The following CSMD1 variants were observed in gnomAD, a reference collection of about 807,000 sequenced individuals.
CSMD1 encodes the protein CUB and Sushi multiple domains 1.
A neutral mutation model predicts 417.5 loss-of-function variants in CSMD1; 213 were observed. The ratio of observed to expected loss-of-function variants is 0.51; its 90% confidence interval spans 0.46 to 0.57. The LOEUF (loss-of-function observed/expected upper bound fraction) is 0.57. Ranked by LOEUF, CSMD1 falls within the 20% of genes least tolerant of loss-of-function variation. The pLI is 0.00. For synonymous variants in CSMD1, 2,862 were observed against 1,736.8 expected, an observed-to-expected ratio of 1.65 and a Z score of -16.11; for missense variants, 6,923 against 4,529.7, an observed-to-expected ratio of 1.53 and a Z score of -15.17.
rs138933452 is a variant in CSMD1, at chr8:4,143,484, T to C, written c.416-111385A>G. Among the ~76,000 whole-genome samples the C allele has an allele frequency of 2.1e-3, 323 of 150,896 alleles. 24 individuals carry two copies. Among genetic ancestry groups the C allele is most frequent in the African/African-American group, 7.2e-3 (290 of 40,254 alleles). On this transcript the variant is annotated intron_variant, in intron 3 of 69. Coordinates refer to ENST00000635120, the MANE Select transcript of CSMD1 (RefSeq NM_033225.6). ...CAGGAGGTGTTTAATATATGGCTCA[T>C]AGTTAAAGCTGGTTAAACTAAAGAA...
intron 7 of CSMD1, among the ~76,000 whole-genome samples, chr8:3,653,546 T>G (rs1303285301): frequency 6.6e-6 from 1 of 152,144 alleles, no homozygotes; most frequent in East Asian, 1.9e-4. Flanking sequence ...TGACCTCAAG[T>G]AATCAGCGCA....
intron 10 of CSMD1, among the ~76,000 whole-genome samples, chr8:3,530,019 A>G (rs1039770622): frequency 1.3e-5 from 2 of 152,174 alleles, no homozygotes; most frequent in African/African-American, 4.8e-5. Flanking sequence ...TTTATCAGTG[A>G]TAGAAGAATG....
intron 7 of CSMD1, among the ~76,000 whole-genome samples, chr8:3,623,596 T>C (rs11985253): frequency 0.37 from 56,229 of 152,092 alleles, 10,823 homozygotes; most frequent in Middle Eastern, 0.47. Context: ...CATATGTTTT[T>C]AAATGTAATC....
rs189225203 is a variant in CSMD1 at position 3,988,444 on chromosome 8, C to T, written c.818+9459G>A. On this transcript the variant is annotated intron_variant, in intron 5 of 69. Coordinates refer to ENST00000635120, the MANE Select transcript of CSMD1 (RefSeq NM_033225.6). The stretch of plus-strand genomic sequence containing the variant: ...GTGTTTGTCAAATATGTACGCCACT[C>T]ACAAACACCCTAACCTCTCACAGCT... Among the ~76,000 whole-genome samples the T allele has an allele frequency of 2.0e-3, 309 of 152,306 alleles. 1 individual carries two copies. The highest frequency in any genetic ancestry group is 6.8e-3 in the Middle Eastern group (2 of 294).
intron 49 of CSMD1, among the ~76,000 whole-genome samples, chr8:3,075,122 T>G (rs914191441): frequency 2.6e-5 from 4 of 152,088 alleles, no homozygotes; most frequent in East Asian, 1.9e-4. Context: ...CTGATCCCCC[T>G]TCACCTTCTG....
At chr8:4,111,635 T>G (rs7817704) in intron 3 of CSMD1, among the ~76,000 whole-genome samples, 2 of 152,026 alleles carry the variant, frequency 1.3e-5, no homozygotes, top group Non-Finnish European at 2.9e-5. Flanking sequence ...TGGATGGAGT[T>G]AGAAGCCATT....
intron 2 of CSMD1, among the ~76,000 whole-genome samples, chr8:4,436,241 G>C (rs1190653187): frequency 6.6e-6 from 1 of 152,080 alleles, no homozygotes; most frequent in Non-Finnish European, 1.5e-5. Flanking sequence ...GACAAAATTA[G>C]TTCATACTTA....
chr8:4,333,943 G>A (rs1056642789), intron 3 of CSMD1, among the ~76,000 whole-genome samples: 2 of 151,892 alleles, frequency 1.3e-5, no homozygotes, highest in Non-Finnish European at 2.9e-5. Flanking sequence ...CCAGACTGGA[G>A]GGCAGTGACA....
At chr8:3,913,858 T>A (rs1808623053) in intron 5 of CSMD1, among the ~76,000 whole-genome samples, 1 of 151,836 alleles carries the variant, frequency 6.6e-6, no homozygotes, top group African/African-American at 2.4e-5. Context: ...CTTTCCTGTG[T>A]GTGTATATAT....
chr8:4,848,041 T>C (rs1563577371), intron 1 of CSMD1, among the ~76,000 whole-genome samples: 1 of 152,170 alleles, frequency 6.6e-6, no homozygotes, highest in African/African-American at 2.4e-5. Context: ...GATTTCCCTG[T>C]TGGGGACATT....
chr8:3,677,774 C>G (rs1176531897), intron 7 of CSMD1, among the ~76,000 whole-genome samples: 2 of 152,114 alleles, frequency 1.3e-5, no homozygotes, highest in Admixed American at 1.3e-4. Flanking sequence ...AAACTTCTAT[C>G]CAGAGTATAT....
chr8:3,855,205 T>C (rs976658217), intron 5 of CSMD1, among the ~76,000 whole-genome samples: 1 of 152,218 alleles, frequency 6.6e-6, no homozygotes, highest in Non-Finnish European at 1.5e-5. Context: ...TTAAAACTAA[T>C]GGACAAGGCT....
intron 23 of CSMD1, among the ~76,000 whole-genome samples, chr8:3,311,231 G>T (rs1023944189): frequency 6.6e-6 from 1 of 152,042 alleles, no homozygotes; most frequent in Admixed American, 6.5e-5. Flanking sequence ...ACATGAGATA[G>T]TCCTCCCCAC....
intron 1 of CSMD1, among the ~76,000 whole-genome samples, chr8:4,963,282 C>G (rs937959462): frequency 6.6e-6 from 1 of 152,166 alleles, no homozygotes; most frequent in South Asian, 2.1e-4. Flanking sequence ...CTCACTGTAA[C>G]CTCCACCTCC....
intron 3 of CSMD1, among the ~76,000 whole-genome samples, chr8:4,359,692 G>T (rs1196186967): frequency 1.3e-5 from 2 of 152,160 alleles, no homozygotes; most frequent in Non-Finnish European, 2.9e-5. Context: ...CAGCCCTCTG[G>T]GTTTTAGTGT....
intron 2 of CSMD1, among the ~76,000 whole-genome samples, chr8:4,432,810 A>C (rs1289784229): frequency 2.0e-5 from 3 of 152,216 alleles, no homozygotes; most frequent in Non-Finnish European, 4.4e-5. Flanking sequence ...ATTAGAAACC[A>C]ACCAACAATT....
chr8:4,818,274 C>T (rs554798995), intron 1 of CSMD1, among the ~76,000 whole-genome samples: 107 of 152,040 alleles, frequency 7.0e-4, no homozygotes, highest in African/African-American at 2.5e-3. Flanking sequence ...TAGGTCACCC[C>T]GATTTAGTCT....
At chr8:2,990,759 G>C (rs1806313868) in intron 54 of CSMD1, among the ~76,000 whole-genome samples, 1 of 152,258 alleles carries the variant, frequency 6.6e-6, no homozygotes, top group East Asian at 1.9e-4. Flanking sequence ...GGAAGAGCGA[G>C]AAGCGATGAT....
At chr8:4,471,374 T>C (rs1800521716) in intron 2 of CSMD1, among the ~76,000 whole-genome samples, 1 of 152,170 alleles carries the variant, frequency 6.6e-6, no homozygotes, top group Non-Finnish European at 1.5e-5. Context: ...GGTTAGACTA[T>C]TTCTAATTTA....
Sources: allele counts gnomAD v4.1 joint callset (sites outside exome capture counted in the v4.1 genomes callset), GRCh38; gene constraint gnomAD v4.1.1; transcripts MANE v1.5; gene names NCBI Gene and HGNC (gene_info 2026-07-23, HGNC 2026-07-21).